Variants in GAL3ST2 observed in about 807,000 individuals in gnomAD.
GAL3ST2 encodes the protein galactose-3-O-sulfotransferase 2, also known as beta-galactose-3-O-sulfotransferase 2.
Under a neutral mutation model 12.9 loss-of-function variants are expected in GAL3ST2, and 16 were observed. That is an observed-to-expected ratio of 1.24 (90% confidence interval 0.84 to 1.88). GAL3ST2 has a LOEUF of 1.88. Among genes scored for constraint, GAL3ST2 ranks in the 40% most tolerant of loss-of-function variants. GAL3ST2 has a pLI of 0.00. For missense variants in GAL3ST2, 639 were observed against 571.8 expected, an observed-to-expected ratio of 1.12 and a Z score of -1.20; for synonymous variants, 302 against 273.9, an observed-to-expected ratio of 1.10 and a Z score of -1.01.
intron 1 of GAL3ST2, among the ~76,000 whole-genome samples, chr2:241,797,469 T>G (rs574407641): frequency 6.6e-6 from 1 of 152,342 alleles, no homozygotes; most frequent in African/African-American, 2.4e-5. Context: ...AATTCAAGAT[T>G]GTTTTATGCA....
Position 241,793,742 on chromosome 2 carries a change from ATGTG to A in GAL3ST2, c.30-5315_30-5312del, listed in dbSNP as rs142523908. On this transcript the variant is annotated intron_variant, in intron 1 of 3. Transcript: ENST00000192314. The surrounding 1 kb of genome is among the most constrained non-coding windows in gnomAD (Gnocchi z 4.7). ...TGCATGTGTGTATGTGTGTATATGT[ATGTG>A]TGTGTGTATTGTGTATGTGTAGTGT... Among the ~76,000 whole-genome samples the A allele has an allele frequency of 1.5e-4, 23 of 150,810 alleles. No individual in the cohort carries two copies. The South Asian group carries it at 2.7e-3, about 18-fold the overall frequency.
rs540926664 is a variant in GAL3ST2, at chr2:241,793,971, G to C, written c.30-5094G>C. Among the ~76,000 whole-genome samples the C allele has an allele frequency of 6.6e-6, 1 of 152,304 alleles. No homozygotes were observed. The highest frequency in any genetic ancestry group is 6.5e-5 in the Admixed American group (1 of 15,296). ...TGTTGTTTGTTTATTTTTTGAGACA[G>C]AGACTGGCTCTGTGACCCGGGCTAG... On this transcript the variant is annotated intron_variant, in intron 1 of 3. Coordinates refer to ENST00000192314, the MANE Select transcript of GAL3ST2 (RefSeq NM_022134.3). This position sits in a 1 kb window ranked among gnomAD's most constrained non-coding sequence, Gnocchi z 4.7.
At chr2:241,779,931 A>G (rs1218776292) in intron 1 of GAL3ST2, among the ~76,000 whole-genome samples, 1 of 152,008 alleles carries the variant, frequency 6.6e-6, no homozygotes, top group Non-Finnish European at 1.5e-5. Context: ...GGTTGCGGTG[A>G]GCCGAGATCG....
intron 1 of GAL3ST2, 65 bp from the exon 2 acceptor site, chr2:241,799,000 G>C (rs1699809507): frequency 7.7e-7 from 1 of 1,304,230 alleles, no homozygotes; most frequent in African/African-American, 1.5e-5. Context: ...TTGGCTGCAG[G>C]ATGGGAGGTG....
rs750985021 is a variant in GAL3ST2, at chr2:241,803,389, G to C, written c.420G>C (p.Leu140=). Residue 140 remains leucine (L), a synonymous_variant, in exon 4 of 4, where the codon CTG becomes CTC. Transcript: ENST00000192314. ...MPNDTFYFSI[L]RNPVFQLESS... ...ACGACACCTTCTACTTCTCCATCCT[G>C]AGGAACCCCGTGTTCCAGCTGGAGT... 3.7e-6 allele frequency: 6 copies of C among 1,612,234 alleles called. No individual in the cohort carries two copies. The highest frequency in any genetic ancestry group is 5.1e-6 in the Non-Finnish European group (6 of 1,179,232).
At chr2:241,799,217 C>A in intron 2 of GAL3ST2, 63 bp downstream of exon 2, 3 of 1,405,074 alleles carry the variant, frequency 2.1e-6, no homozygotes, top group Non-Finnish European at 3.0e-6. Context: ...GAGGACAGAG[C>A]CTGGGACCCC....
chr2:241,801,948 G>A lies in GAL3ST2; in HGVS notation c.287G>A (p.Trp96Ter). 6.2e-7 allele frequency: 1 copy of A among 1,613,000 alleles called. No individual in the cohort carries two copies. Among genetic ancestry groups the A allele is most frequent in the South Asian group, 1.1e-5 (1 of 91,076 alleles). The change falls in exon 3 of 4, where the codon TGG becomes TAG. Residue 96 changes from tryptophan to a stop codon, truncating the protein, a stop_gained. Transcript: ENST00000192314. LOFTEE classifies it high-confidence loss of function. The surrounding 1 kb of genome is among the most constrained non-coding windows in gnomAD (Gnocchi z 4.4). ...AGSRVHLGYPWLFLARYVEGV... is the reference protein window; with the variant it reads ...AGSRVHLGYP ...TCACGCGTCCACCTGGGCTACCCCT[G>A]GCTCTTCCTGGCGCGCTACGTGGAA... is the stretch of plus-strand genomic sequence containing the variant.
intron 1 of GAL3ST2, among the ~76,000 whole-genome samples, chr2:241,777,972 G>A (rs1699514330): frequency 6.6e-6 from 1 of 152,214 alleles, no homozygotes; most frequent in East Asian, 1.9e-4. Flanking sequence ...AAGGCCCTCG[G>A]GGAGCCCAGG....
chr2:241,796,783 C>T (rs1699776340), intron 1 of GAL3ST2, among the ~76,000 whole-genome samples: 2 of 152,060 alleles, frequency 1.3e-5, no homozygotes, highest in Admixed American at 6.5e-5. Context: ...TGGGTGGTTC[C>T]CGTGGGGGGC....
rs1379588325 is a variant in GAL3ST2, at chr2:241,793,755, TTGTG to T, written c.30-5308_30-5305del. Among the ~76,000 whole-genome samples, 2 of 151,674 alleles carry T rather than the reference TTGTG, an allele frequency of 1.3e-5. No homozygotes were observed. The highest frequency in any genetic ancestry group is 6.6e-5 in the Admixed American group (1 of 15,202). On this transcript the variant is annotated intron_variant, in intron 1 of 3. Transcript: ENST00000192314. The surrounding 1 kb of genome is among the most constrained non-coding windows in gnomAD (Gnocchi z 4.7). ...GTGTGTATATGTATGTGTGTGTGTA[TTGTG>T]TATGTGTAGTGTGTATTATTTGTGT...
At chr2:241,782,831 A>G (rs1304500210) in intron 1 of GAL3ST2, among the ~76,000 whole-genome samples, 1 of 152,196 alleles carries the variant, frequency 6.6e-6, no homozygotes, top group Non-Finnish European at 1.5e-5. Flanking sequence ...CGTGGATGGA[A>G]TAACCTTAAT....
At chr2:241,798,721 G>A (rs1699805272) in intron 1 of GAL3ST2, among the ~76,000 whole-genome samples, 2 of 152,292 alleles carry the variant, frequency 1.3e-5, no homozygotes, top group South Asian at 4.1e-4. Context: ...CTCCCAGGGG[G>A]CCCTGCGTGG....
At position 241,786,171 on chromosome 2, in the gene GAL3ST2, TG is replaced by T. The variant is rs1048750600; in HGVS notation, c.29+9194del. 5.1e-4 allele frequency among the ~76,000 whole-genome samples: 55 copies of T among 108,742 alleles called. 2 individuals carry two copies. The highest frequency in any genetic ancestry group is 2.6e-3 in the African/African-American group (52 of 19,784). 71.3% of individuals were successfully genotyped at this position (108,742 alleles called of 152,430 possible). ...TGTGTGTGTGTGTGTGTGTGTGTGT[TG>T]GGGGGGATCTTAACCATCTGAGAGG... is the stretch of plus-strand genomic sequence containing the variant. On this transcript the variant is annotated intron_variant, in intron 1 of 3. Coordinates refer to ENST00000192314, the MANE Select transcript of GAL3ST2 (RefSeq NM_022134.3).
rs561207247 is a variant in GAL3ST2, at chr2:241,800,595, G to A, written c.120-1186G>A. ...GGTGGAGCCGGGACGGGAAGCACTCGGTGCGCAGCCTCTGTAAACCGCCAG... is the reference window on the plus strand; with the variant it reads ...GGTGGAGCCGGGACGGGAAGCACTCAGTGCGCAGCCTCTGTAAACCGCCAG... On this transcript the variant is annotated intron_variant, in intron 2 of 3. Coordinates refer to ENST00000192314, the MANE Select transcript of GAL3ST2 (RefSeq NM_022134.3). This position sits in a 1 kb window ranked among gnomAD's most constrained non-coding sequence, Gnocchi z 5.2. Among the ~76,000 whole-genome samples the A allele has an allele frequency of 1.3e-5, 2 of 152,332 alleles. No individual in the cohort carries two copies. Among genetic ancestry groups the A allele is most frequent in the South Asian group, 4.1e-4 (2 of 4,830 alleles).
chr2:241,791,511 T>G (rs1699693592), intron 1 of GAL3ST2, among the ~76,000 whole-genome samples: 1 of 152,166 alleles, frequency 6.6e-6, no homozygotes, highest in Non-Finnish European at 1.5e-5. Context: ...TCCTGACCTG[T>G]GGCAAGAAAA....
rs570299766 is a variant in GAL3ST2 at position 241,802,413 on chromosome 2, C to T, written c.375+377C>T. On this transcript the variant is annotated intron_variant, in intron 3 of 3. Coordinates refer to ENST00000192314, the MANE Select transcript of GAL3ST2 (RefSeq NM_022134.3). The surrounding 1 kb of genome is among the most constrained non-coding windows in gnomAD (Gnocchi z 4.8). ...TGGGTCTCAGCATAGAGCCGGCTTC[C>T]CCCCAGGGCTTCCCTGACCTTCCTT... Among the ~76,000 whole-genome samples the T allele has an allele frequency of 1.8e-4, 27 of 152,284 alleles. No individual in the cohort carries two copies. In the South Asian group the frequency reaches 2.9e-3, roughly 16 times the overall value.
At chr2:241,798,692 G>T (rs1195972789) in intron 1 of GAL3ST2, among the ~76,000 whole-genome samples, 1 of 152,098 alleles carries the variant, frequency 6.6e-6, no homozygotes, top group Admixed American at 6.5e-5. Flanking sequence ...GGGGCCTGGG[G>T]GTCTCCGTCC....
rs1316344495 is a variant in GAL3ST2, at chr2:241,793,545, GT to G, written c.30-5519del. Among the ~76,000 whole-genome samples, 2 of 151,518 alleles carry G rather than the reference GT, an allele frequency of 1.3e-5. No homozygotes were observed. Among genetic ancestry groups the G allele is most frequent in the African/African-American group, 4.9e-5 (2 of 41,158 alleles). On this transcript the variant is annotated intron_variant, in intron 1 of 3. Transcript: ENST00000192314. The surrounding 1 kb of genome is among the most constrained non-coding windows in gnomAD (Gnocchi z 4.7). ...GTGTATTGTGTTTATATGTATGTGT[GT>G]ATATGTATGTATGTGTATATGTGTG...
intron 2 of GAL3ST2, among the ~76,000 whole-genome samples, chr2:241,799,983 G>A (rs917811668): frequency 2.0e-5 from 3 of 152,224 alleles, no homozygotes; most frequent in Admixed American, 2.0e-4. Flanking sequence ...TCCTTTTCCT[G>A]GTGTGAAGGG....
Sources: gnomAD v4.1 joint callset for allele counts (sites outside exome capture counted in the v4.1 genomes callset) on GRCh38, gnomAD v4.1.1 for gene constraint, Gnocchi (gnomAD v3.1) non-coding constraint, MANE v1.5 for transcripts, NCBI Gene and HGNC (gene_info 2026-07-23, HGNC 2026-07-21) for gene names.